Variants in VOPP1 observed in about 807,000 individuals in gnomAD.
VOPP1 encodes WW domain binding protein VOPP1.
In VOPP1, 8 loss-of-function variants were observed where a neutral mutation model predicts 23.5. That is an observed-to-expected ratio of 0.34 (90% confidence interval 0.20 to 0.61). The LOEUF (loss-of-function observed/expected upper bound fraction) is 0.61. VOPP1 is among the 20% of genes least tolerant of loss of function. The pLI, the probability that VOPP1 is intolerant of heterozygous loss-of-function variation, is 0.78. For missense variants in VOPP1, 174 were observed against 238.1 expected, an observed-to-expected ratio of 0.73 and a Z score of 1.77; for synonymous variants, 83 against 97.3, an observed-to-expected ratio of 0.85 and a Z score of 0.86.
intron 2 of VOPP1, among the ~76,000 whole-genome samples, chr7:55,505,492 C>T (rs1194337589): frequency 6.6e-6 from 1 of 152,024 alleles, no homozygotes; most frequent in African/African-American, 2.4e-5. Context: ...AGCCCATGAG[C>T]TCAGCCCAAC....
rs544060075 is a variant in VOPP1, at chr7:55,493,481, G to A, written c.192-1063C>T. 1.6e-4 allele frequency among the ~76,000 whole-genome samples: 25 copies of A among 152,378 alleles called. No individual in the cohort carries two copies. In the South Asian group the frequency reaches 5.0e-3, roughly 30 times the overall value. On this transcript the variant is annotated intron_variant, in intron 3 of 4. Transcript: ENST00000285279. ...TTGAGAATATTAATGTGATGTCAAGGCCTTCAGCCAGTCCAAAAGTATTTA... is the reference window on the plus strand; with the variant it reads ...TTGAGAATATTAATGTGATGTCAAGACCTTCAGCCAGTCCAAAAGTATTTA...
intron 1 of VOPP1, among the ~76,000 whole-genome samples, chr7:55,553,072 A>G (rs1297547174): frequency 1.3e-5 from 2 of 152,256 alleles, no homozygotes; most frequent in Non-Finnish European, 2.9e-5. Flanking sequence ...GCTTGACAAT[A>G]TAATTATGAC....
intron 4 of VOPP1, among the ~76,000 whole-genome samples, chr7:55,440,391 T>C (rs1003851044): frequency 2.0e-5 from 3 of 152,218 alleles, no homozygotes; most frequent in Non-Finnish European, 2.9e-5. Context: ...ACCTTCACTC[T>C]GGGCAAGAGA....
chr7:55,559,013 T>G (rs1797898592), intron 1 of VOPP1, among the ~76,000 whole-genome samples: 1 of 152,232 alleles, frequency 6.6e-6, no homozygotes, highest in African/African-American at 2.4e-5. Flanking sequence ...TTAATTTTAT[T>G]TGTGCCCAAA....
At position 55,472,921 on chromosome 7, in the gene VOPP1, G is replaced by A. The variant is rs767621046; in HGVS notation, c.453C>T (p.Cys151=). ...PPNSPQGSVA[C]PPPPAYCNTP... is the part of the protein sequence containing the mutation. The stretch of plus-strand genomic sequence containing the variant: ...TGTTGCAGTAGGCTGGAGGGGGCGG[G>A]CAGGCCACACTCCCCTGGGGTGAGT... The change falls in exon 5 of 5, where the codon TGC becomes TGT. Residue 151 remains cysteine (C), a synonymous_variant. Transcript: ENST00000285279. 6.5e-6 allele frequency: 10 copies of A among 1,544,414 alleles called. No individual in the cohort carries two copies. Among genetic ancestry groups the A allele is most frequent in the Admixed American group, 2.2e-5 (1 of 44,706 alleles).
At chr7:55,506,534 G>A (rs1454812675) in intron 2 of VOPP1, among the ~76,000 whole-genome samples, 3 of 150,264 alleles carry the variant, frequency 2.0e-5, no homozygotes, top group East Asian at 4.0e-4. Flanking sequence ...ACGGGGTTTC[G>A]CCATGTTGGC....
rs530558898 is a variant in VOPP1 at position 55,443,903 on chromosome 7, A to G, written n.418-7729T>C. 5.9e-5 allele frequency among the ~76,000 whole-genome samples: 9 copies of G among 152,268 alleles called. No individual in the cohort carries two copies. The East Asian group carries it at 1.7e-3, about 29-fold the overall frequency. On this transcript the variant is annotated intron_variant and non_coding_transcript_variant, in intron 4 of 4. Transcript: ENST00000462326. ...GGTGATCTGCCCGCCTCAGCCTCCC[A>G]AAGTGCTGGGATTACATGCATGAGC...
intron 1 of VOPP1, among the ~76,000 whole-genome samples, chr7:55,570,460 T>C (rs1260293240): frequency 1.3e-5 from 2 of 152,188 alleles, no homozygotes; most frequent in Admixed American, 6.5e-5. Context: ...TTTGCAGACA[T>C]GATCTGAACT....
chr7:55,518,902 A>G (rs1306042271), intron 2 of VOPP1, among the ~76,000 whole-genome samples: 1 of 152,246 alleles, frequency 6.6e-6, no homozygotes, highest in Non-Finnish European at 1.5e-5. Context: ...GAGACTAGCT[A>G]GAAAGTTTCG....
At chr7:55,452,636 G>A (rs1791272217) in intron 4 of VOPP1, among the ~76,000 whole-genome samples, 2 of 152,226 alleles carry the variant, frequency 1.3e-5, no homozygotes, top group Admixed American at 1.3e-4. Context: ...ATGAATGTGT[G>A]TTAGCAGGCA....
intron 4 of VOPP1, among the ~76,000 whole-genome samples, chr7:55,483,949 G>A (rs967391184): frequency 6.6e-6 from 1 of 152,118 alleles, no homozygotes; most frequent in Non-Finnish European, 1.5e-5. Context: ...TAGAGACAGG[G>A]TTTCATCATA....
intron 1 of VOPP1, among the ~76,000 whole-genome samples, chr7:55,536,731 C>G (rs911477533): frequency 6.6e-6 from 1 of 152,116 alleles, no homozygotes; most frequent in Non-Finnish European, 1.5e-5. Context: ...GTGTTCACAC[C>G]AAGGAGCACT....
At chr7:55,523,841 G>C (rs985522733) in intron 1 of VOPP1, among the ~76,000 whole-genome samples, 4 of 152,124 alleles carry the variant, frequency 2.6e-5, no homozygotes, top group African/African-American at 9.7e-5. Context: ...GGGTGGGTGG[G>C]GTGAAGTGGA....
chr7:55,435,678 C>T (rs1790805609), downstream of VOPP1, among the ~76,000 whole-genome samples: 1 of 152,232 alleles, frequency 6.6e-6, no homozygotes, highest in South Asian at 2.1e-4. Flanking sequence ...ACCCAGGCTG[C>T]AGCTCCCCAG....
intron 1 of VOPP1, among the ~76,000 whole-genome samples, chr7:55,556,549 T>C (rs921595624): frequency 5.9e-5 from 9 of 151,794 alleles, no homozygotes; most frequent in Admixed American, 1.3e-4. Context: ...AAGAGAAAAA[T>C]GCTATGATTA....
intron 2 of VOPP1, among the ~76,000 whole-genome samples, chr7:55,518,580 G>A (rs1372758328): frequency 1.3e-5 from 2 of 152,202 alleles, no homozygotes; most frequent in East Asian, 1.9e-4. Flanking sequence ...AAGAGGCTGA[G>A]AGAACTGGGG....
chr7:55,449,621 G>T (rs1279488363), intron 4 of VOPP1, among the ~76,000 whole-genome samples: 3 of 152,220 alleles, frequency 2.0e-5, no homozygotes, highest in Admixed American at 6.5e-5. Context: ...ACGAAAAGCT[G>T]CCCCTCCCTG....
chr7:55,461,907 CCTTT>C (rs1051074280), intron 4 of VOPP1, among the ~76,000 whole-genome samples: 6 of 152,208 alleles, frequency 3.9e-5, no homozygotes, highest in Middle Eastern at 3.4e-3. Flanking sequence ...ACATTTGATT[CCTTT>C]CTTTTTCTCA....
At chr7:55,464,815 C>T (rs1274228877) in intron 4 of VOPP1, among the ~76,000 whole-genome samples, 1 of 152,116 alleles carries the variant, frequency 6.6e-6, no homozygotes, top group Admixed American at 6.5e-5. Context: ...GTGTCTTGAT[C>T]TTGGGGTGTG....
Sources: allele counts gnomAD v4.1 joint callset (sites outside exome capture counted in the v4.1 genomes callset), GRCh38; gene constraint gnomAD v4.1.1; transcripts MANE v1.5; gene names NCBI Gene and HGNC (gene_info 2026-07-23, HGNC 2026-07-21).